MACROD2: variants seen among roughly 807,000 people sequenced by gnomAD.
MACROD2 encodes mono-ADP ribosylhydrolase 2.
MACROD2 carries 36 observed loss-of-function variants against 70.4 expected under a neutral mutation model. The ratio of observed to expected loss-of-function variants is 0.51; its 90% CI spans 0.39 to 0.68. The LOEUF is 0.68. Ranked by LOEUF, MACROD2 falls within the 30% of genes least tolerant of loss-of-function variation. The probability of loss-of-function intolerance (pLI) is 0.00; values close to 1 mark genes in which losing one functional copy is unlikely to be tolerated. For synonymous variants in MACROD2, 172 were observed against 178.8 expected, an observed-to-expected ratio of 0.96 and a Z score of 0.30; for missense variants, 496 against 538.4, an observed-to-expected ratio of 0.92 and a Z score of 0.78.
chr20:15,231,062 C>T, intron 6 of MACROD2, among the ~76,000 whole-genome samples: 1 of 151,972 alleles, frequency 6.6e-6, no homozygotes, highest in South Asian at 2.1e-4. Context: ...TTAGGTAACC[C>T]TGGATGGTTG....
At chr20:15,833,573 T>G (rs560293707) in intron 8 of MACROD2, among the ~76,000 whole-genome samples, 1 of 152,274 alleles carries the variant, frequency 6.6e-6, no homozygotes, top group South Asian at 2.1e-4. Flanking sequence ...AAACGTGCTT[T>G]GAGTGCTTTT....
intron 3 of MACROD2, among the ~76,000 whole-genome samples, chr20:14,179,191 AGCATAGT>A (rs2081287786): frequency 1.3e-5 from 2 of 152,188 alleles, no homozygotes; most frequent in Admixed American, 1.3e-4. Context: ...CTCACAAAGG[AGCATAGT>A]CTCTTGTGGG....
chr20:14,801,597 C>G (rs1311567480), intron 5 of MACROD2, among the ~76,000 whole-genome samples: 1 of 151,944 alleles, frequency 6.6e-6, no homozygotes, highest in African/African-American at 2.4e-5. Context: ...TCTAAAATAT[C>G]TCTCATCAGA....
At chr20:15,306,832 G>C (rs1422437777) in intron 6 of MACROD2, among the ~76,000 whole-genome samples, 2 of 152,228 alleles carry the variant, frequency 1.3e-5, no homozygotes, top group East Asian at 3.9e-4. Context: ...TTGCTATAAA[G>C]GAGTAACCGA....
At chr20:15,095,131 C>T (rs1209603514) in intron 5 of MACROD2, among the ~76,000 whole-genome samples, 1 of 130,132 alleles carries the variant, frequency 7.7e-6, no homozygotes, top group Non-Finnish European at 1.6e-5. Flanking sequence ...GGCTGGAGTG[C>T]AGTGATGTGA....
intron 3 of MACROD2, among the ~76,000 whole-genome samples, chr20:14,116,160 C>T (rs538934222): frequency 1.2e-4 from 18 of 152,290 alleles, no homozygotes; most frequent in African/African-American, 3.1e-4. Flanking sequence ...TTCTGTCAAA[C>T]GGAGGCCTCC....
In MACROD2 at chr20:14,788,922, C is replaced by T. The variant is rs118180045; in HGVS notation, c.418+103963C>T. Among the ~76,000 whole-genome samples, 585 of 151,768 alleles carry T rather than the reference C, an allele frequency of 3.9e-3. 4 individuals are homozygous for T. Among genetic ancestry groups the T allele is most frequent in the Non-Finnish European group, 6.6e-3 (449 of 67,958 alleles). ...TAGCTAGGATTACAGGCACTCACCA[C>T]GATGCCCGGCTAATTTTTGTATTTT... On this transcript the variant is annotated intron_variant, in intron 5 of 17. Coordinates refer to ENST00000684519, the MANE Select transcript of MACROD2 (RefSeq NM_001351661.2).
chr20:15,284,491 G>A (rs2077474209), intron 6 of MACROD2, among the ~76,000 whole-genome samples: 1 of 152,158 alleles, frequency 6.6e-6, no homozygotes, highest in African/African-American at 2.4e-5. Flanking sequence ...ATAGGTAAAA[G>A]TGTTCTTCTG....
At chr20:14,300,782 C>A (rs74563265) in intron 3 of MACROD2, among the ~76,000 whole-genome samples, 2,237 of 152,180 alleles carry the variant, frequency 0.015, 28 homozygotes, top group Non-Finnish European at 0.022. Context: ...CTAGAAGCAG[C>A]CATTGAATAA....
chr20:14,694,020 A>T (rs577909596), intron 5 of MACROD2, among the ~76,000 whole-genome samples: 16 of 152,264 alleles, frequency 1.1e-4, no homozygotes, highest in Middle Eastern at 3.4e-3. Flanking sequence ...AGTGAGGAAG[A>T]CAGCAGGCCC....
intron 7 of MACROD2, among the ~76,000 whole-genome samples, chr20:15,491,060 C>T (rs1410051375): frequency 6.6e-6 from 1 of 152,186 alleles, no homozygotes; most frequent in East Asian, 1.9e-4. Context: ...ATAAATGCTA[C>T]TAAGTAGAGT....
chr20:14,550,609 C>G (rs919507985), intron 4 of MACROD2, among the ~76,000 whole-genome samples: 3 of 152,136 alleles, frequency 2.0e-5, no homozygotes, highest in African/African-American at 7.2e-5. Flanking sequence ...ATAAATTTCC[C>G]CCTCCTACTA....
chr20:15,660,874 T>C (rs2049811832), intron 8 of MACROD2, among the ~76,000 whole-genome samples: 1 of 152,178 alleles, frequency 6.6e-6, no homozygotes, highest in African/African-American at 2.4e-5. Context: ...TAAAAGCCTT[T>C]AGTTTGTAAA....
At chr20:14,101,782 G>T (rs1410142556) in intron 3 of MACROD2, among the ~76,000 whole-genome samples, 1 of 144,228 alleles carries the variant, frequency 6.9e-6, no homozygotes, top group South Asian at 2.2e-4. Flanking sequence ...GAGACTAAAA[G>T]AAAAAAAAAA....
At chr20:15,755,275 C>G (rs555260169) in intron 8 of MACROD2, among the ~76,000 whole-genome samples, 29 of 152,244 alleles carry the variant, frequency 1.9e-4, no homozygotes, top group African/African-American at 7.0e-4. Flanking sequence ...ATCAGAATTC[C>G]CCATGGTGCA....
chr20:15,056,713 T>G (rs1175555088), intron 5 of MACROD2, among the ~76,000 whole-genome samples: 2 of 152,130 alleles, frequency 1.3e-5, no homozygotes, highest in African/African-American at 2.4e-5. Flanking sequence ...TTTAAATATT[T>G]TAAATGAAAA....
intron 8 of MACROD2, among the ~76,000 whole-genome samples, chr20:15,749,487 A>C (rs1166949517): frequency 2.6e-5 from 4 of 152,082 alleles, no homozygotes; most frequent in Non-Finnish European, 4.4e-5. Flanking sequence ...ATATGTATTG[A>C]ATTAAAAAAA....
chr20:15,115,553 A>G (rs538324853), intron 5 of MACROD2, among the ~76,000 whole-genome samples: 6 of 152,264 alleles, frequency 3.9e-5, no homozygotes, highest in African/African-American at 1.4e-4. Context: ...GATTTTTCTC[A>G]TCACTAAGTG....
chr20:14,343,310 A>T (rs1018440937), intron 3 of MACROD2, among the ~76,000 whole-genome samples: 2 of 152,064 alleles, frequency 1.3e-5, no homozygotes, highest in Non-Finnish European at 2.9e-5. Context: ...TGAGTCAATC[A>T]TTTCTATATG....
Sources: allele counts gnomAD v4.1 joint callset (sites outside exome capture counted in the v4.1 genomes callset), GRCh38; gene constraint gnomAD v4.1.1; transcripts MANE v1.5; gene names NCBI Gene and HGNC (gene_info 2026-07-23, HGNC 2026-07-21).